ADAM7: variants seen among roughly 807,000 people sequenced by gnomAD.
ADAM7 encodes ADAM metallopeptidase domain 7.
Under a neutral mutation model 102.9 loss-of-function variants are expected in ADAM7, and 97 were observed. That is an observed-to-expected ratio of 0.94 (90% CI 0.80 to 1.12). The LOEUF is 1.12. Ranked by LOEUF, ADAM7 falls within the 50% of genes most tolerant of loss-of-function variation. The pLI, the probability that ADAM7 is intolerant of heterozygous loss-of-function variation, is 0.00. For synonymous variants in ADAM7, 334 were observed against 304.4 expected, an observed-to-expected ratio of 1.10 and a Z score of -1.01; for missense variants, 991 against 908.7, an observed-to-expected ratio of 1.09 and a Z score of -1.16.
intron 20 of ADAM7, among the ~76,000 whole-genome samples, chr8:24,502,030 A>C (rs199806448): frequency 8.8e-5 from 7 of 79,586 alleles, no homozygotes; most frequent in Non-Finnish European, 1.6e-4. Flanking sequence ...TAAAAATATA[A>C]AGACTAAAAA....
At chr8:24,446,109 T>G (rs1218284610) in intron 2 of ADAM7, among the ~76,000 whole-genome samples, 1 of 152,166 alleles carries the variant, frequency 6.6e-6, no homozygotes, top group African/African-American at 2.4e-5. Flanking sequence ...ATTGAATAAA[T>G]GAATGAACAG....
intron 16 of ADAM7, among the ~76,000 whole-genome samples, chr8:24,497,488 A>G (rs536022794): frequency 5.9e-4 from 90 of 152,326 alleles, no homozygotes; most frequent in African/African-American, 2.0e-3. Context: ...TGAATTGGAT[A>G]TTACAAAAAA....
At position 24,492,584 on chromosome 8, in the gene ADAM7, C is replaced by T. The variant is rs761799556; in HGVS notation, c.1642C>T (p.Pro548Ser). ...CAAAAACAAGGAAAACAGATTTCTT[C>T]CCTGTGAGGAGAAGTAAGTGCCCTG... Reference protein sequence around the residue: ...YCKNKENRFLPCEEKDVRCGK... With the variant: ...YCKNKENRFLSCEEKDVRCGK... The change falls in exon 15 of 22, where the codon CCC becomes TCC. Residue 548 changes from proline to serine, a missense_variant. Physicochemically the swap from Pro to Ser is moderately conservative, Grantham distance 74. Coordinates refer to ENST00000175238, the MANE Select transcript of ADAM7 (RefSeq NM_003817.4). 6.2e-7 allele frequency: 1 copy of T among 1,611,816 alleles called. No homozygotes were observed. The highest frequency in any genetic ancestry group is 1.1e-5 in the South Asian group (1 of 90,746).
intron 8 of ADAM7, among the ~76,000 whole-genome samples, chr8:24,478,768 T>C (rs553033077): frequency 6.6e-6 from 1 of 152,312 alleles, no homozygotes; most frequent in African/African-American, 2.4e-5. Flanking sequence ...CAACAGTGGG[T>C]TGTCTTTTCT....
intron 8 of ADAM7, among the ~76,000 whole-genome samples, chr8:24,478,741 G>T (rs1044975885): frequency 1.3e-5 from 2 of 152,070 alleles, no homozygotes; most frequent in African/African-American, 4.8e-5. Flanking sequence ...GTTTAGTTTT[G>T]TCAACTCTTT....
intron 3 of ADAM7, among the ~76,000 whole-genome samples, chr8:24,448,420 C>G (rs1470206701): frequency 6.6e-6 from 1 of 152,090 alleles, no homozygotes; most frequent in Non-Finnish European, 1.5e-5. Context: ...ACACAGAGAG[C>G]AGTTTAATCT....
intron 2 of ADAM7, among the ~76,000 whole-genome samples, chr8:24,446,724 C>A (rs1024705746): frequency 6.6e-6 from 1 of 151,682 alleles, no homozygotes; most frequent in African/African-American, 2.4e-5. Flanking sequence ...AATGCGTGAA[C>A]AGGATATCTG....
chr8:24,473,078 A>C (rs1819658851), intron 7 of ADAM7, among the ~76,000 whole-genome samples: 1 of 152,160 alleles, frequency 6.6e-6, no homozygotes, highest in Non-Finnish European at 1.5e-5. Flanking sequence ...ACCTATCAGC[A>C]AATAAAGACA....
chr8:24,507,917 AAC>A (rs1192160843), intron 21 of ADAM7, among the ~76,000 whole-genome samples: 1 of 152,178 alleles, frequency 6.6e-6, no homozygotes, highest in African/African-American at 2.4e-5. Context: ...ACAGAAAAGG[AAC>A]AGTTTCCTTC....
At chr8:24,484,368 T>C (rs1219141607) in intron 9 of ADAM7, among the ~76,000 whole-genome samples, 1 of 152,202 alleles carries the variant, frequency 6.6e-6, no homozygotes, top group African/African-American at 2.4e-5. Flanking sequence ...CTAATGGCTC[T>C]TTTTAAAGTG....
intron 3 of ADAM7, among the ~76,000 whole-genome samples, chr8:24,458,404 A>G (rs919966742): frequency 3.3e-5 from 5 of 152,140 alleles, no homozygotes; most frequent in Non-Finnish European, 7.4e-5. Context: ...CTTTATATTT[A>G]CTATTTCTGG....
chr8:24,490,739 C>T (rs889174209), intron 12 of ADAM7, 60 bp from the exon 13 acceptor site: 20 of 1,517,886 alleles, frequency 1.3e-5, no homozygotes, highest in East Asian at 2.3e-5. Flanking sequence ...CTAATTAATT[C>T]TTCAAACAGG....
Position 24,447,203 on chromosome 8 carries a change from ATTG to A in ADAM7, c.179_181del (p.Leu60del), listed in dbSNP as rs1387399274. 5.8e-6 allele frequency: 9 copies of A among 1,552,328 alleles called. No individual in the cohort carries two copies. Among genetic ancestry groups the A allele is most frequent in the Non-Finnish European group, 7.0e-6 (8 of 1,137,448 alleles). On this transcript the variant is annotated inframe_deletion, in exon 3 of 22. Coordinates refer to ENST00000175238, the MANE Select transcript of ADAM7 (RefSeq NM_003817.4). ...TTTTTTAGAAAACGTATGAAGAAGAATTGTTGTATGAAATAAAACTAAATAGAA... is the reference window on the plus strand; with the variant it reads ...TTTTTTAGAAAACGTATGAAGAAGAATTGTATGAAATAAAACTAAATAGAA...
intron 7 of ADAM7, among the ~76,000 whole-genome samples, chr8:24,474,357 T>C (rs1333516250): frequency 6.6e-6 from 1 of 152,200 alleles, no homozygotes; most frequent in Non-Finnish European, 1.5e-5. Context: ...GAATAGGTTA[T>C]TAAAATTTTT....
At chr8:24,453,507 C>A (rs1818881978) in intron 3 of ADAM7, among the ~76,000 whole-genome samples, 1 of 152,190 alleles carries the variant, frequency 6.6e-6, no homozygotes, top group Non-Finnish European at 1.5e-5. Context: ...TCCATCAGCT[C>A]CTTTAAGCAC....
intron 7 of ADAM7, among the ~76,000 whole-genome samples, chr8:24,472,483 A>G (rs1276073632): frequency 6.6e-6 from 1 of 152,064 alleles, no homozygotes; most frequent in African/African-American, 2.4e-5. Flanking sequence ...TGGTTTGGAA[A>G]CTGAAAGTAC....
intron 16 of ADAM7, 112 bp from the exon 17 acceptor site, chr8:24,499,124 T>G: frequency 1.3e-6 from 1 of 752,336 alleles, no homozygotes; most frequent in South Asian, 2.4e-5. Flanking sequence ...AATTGAAATT[T>G]TTCATATGTA....
chr8:24,486,669 A>G (rs1200974600), intron 10 of ADAM7, among the ~76,000 whole-genome samples: 1 of 152,188 alleles, frequency 6.6e-6, no homozygotes, highest in Non-Finnish European at 1.5e-5. Flanking sequence ...TCTGGCTCAC[A>G]GTTGACACCT....
At position 24,465,662 on chromosome 8, in the gene ADAM7, T is replaced by C. The variant is rs201780677; in HGVS notation, c.313-37T>C. ...TATTAGTATCTATATAAAATCAATATTTATACATATAGTAATAGAGTCTTC... is the reference window on the plus strand; with the variant it reads ...TATTAGTATCTATATAAAATCAATACTTATACATATAGTAATAGAGTCTTC... On this transcript the variant is annotated intron_variant, in intron 4 of 21. Coordinates refer to ENST00000175238, the MANE Select transcript of ADAM7 (RefSeq NM_003817.4). The C allele has an allele frequency of 5.1e-5, 67 of 1,321,928 alleles. No individual in the cohort carries two copies. In the East Asian group the frequency reaches 8.7e-4, roughly 17 times the overall value. The allele number at this position is 1,321,928 out of a possible 1,614,324, so 81.9% of individuals were successfully genotyped here.
Sources: gnomAD v4.1 joint callset for allele counts (sites outside exome capture counted in the v4.1 genomes callset) on GRCh38, gnomAD v4.1.1 for gene constraint, MANE v1.5 for transcripts, NCBI Gene and HGNC (gene_info 2026-07-23, HGNC 2026-07-21) for gene names.